The following CR1 variants were observed in gnomAD, a reference collection of about 807,000 sequenced individuals.
CR1 encodes the protein complement receptor type 1.
Under a neutral mutation model 187.3 loss-of-function variants are expected in CR1, and 116 were observed. That is an observed-to-expected ratio of 0.62 (90% CI 0.53 to 0.72). The LOEUF is 0.72. Ranked by LOEUF, CR1 falls within the 30% of genes least tolerant of loss-of-function variation. The pLI is 0.00. For missense variants in CR1, 1,731 were observed against 2,110.7 expected (o/e 0.82, Z 3.52); for synonymous variants, 576 against 747.1 (o/e 0.77, Z 3.73).
chr1:207,566,998 TCTA>T (rs1279412057), intron 24 of CR1, among the ~76,000 whole-genome samples: 1 of 150,340 alleles, frequency 6.7e-6, no homozygotes, highest in Non-Finnish European at 1.5e-5. Context: ...AAGTGTCTGT[TCTA>T]CTATCATGAA....
intron 35 of CR1, among the ~76,000 whole-genome samples, chr1:207,597,014 TGTA>T (rs1661466219): frequency 6.7e-6 from 1 of 149,080 alleles, no homozygotes; most frequent in Non-Finnish European, 1.5e-5. Context: ...ACTTCCTAGT[TGTA>T]GTGATAAAAT....
intron 5 of CR1, among the ~76,000 whole-genome samples, chr1:207,524,282 C>T (rs1327655268): frequency 6.6e-6 from 1 of 152,082 alleles, no homozygotes; most frequent in Admixed American, 6.5e-5. Context: ...ATGGTTGATA[C>T]AAAATGAGTG....
chr1:207,500,851 G>A (rs776711023), intron 1 of CR1, among the ~76,000 whole-genome samples: 6 of 152,138 alleles, frequency 3.9e-5, no homozygotes, highest in African/African-American at 7.2e-5. Context: ...TAGCCAACAC[G>A]TGGAAACAAT....
intron 45 of CR1, among the ~76,000 whole-genome samples, chr1:207,623,757 C>T (rs943881260): frequency 2.0e-5 from 3 of 152,156 alleles, no homozygotes; most frequent in Non-Finnish European, 2.9e-5. Context: ...AGACACTGAC[C>T]TCTAAGCCCA....
chr1:207,496,952 C>T (rs1275617367), intron 1 of CR1, among the ~76,000 whole-genome samples: 4 of 152,140 alleles, frequency 2.6e-5, no homozygotes, highest in Non-Finnish European at 5.9e-5. Flanking sequence ...CAACCGTTAC[C>T]TCTGTACTTT....
chr1:207,622,660 A>C (rs1662348056), intron 44 of CR1, among the ~76,000 whole-genome samples: 5 of 152,226 alleles, frequency 3.3e-5, no homozygotes, highest in African/African-American at 1.2e-4. Context: ...GTATTTTCAC[A>C]ATGAAATGCC....
At chr1:207,501,378 TACTC>T (rs1010412712) in intron 1 of CR1, among the ~76,000 whole-genome samples, 1 of 152,218 alleles carries the variant, frequency 6.6e-6, no homozygotes, top group Non-Finnish European at 1.5e-5. Flanking sequence ...ACACTTCAAA[TACTC>T]ATCAATCATT....
At chr1:207,634,596 C>G (rs1459300519) in intron 46 of CR1, among the ~76,000 whole-genome samples, 1 of 150,916 alleles carries the variant, frequency 6.6e-6, no homozygotes, top group Non-Finnish European at 1.5e-5. Flanking sequence ...GATGAGGAAT[C>G]TGGTGGCAGT....
At chr1:207,588,880 A>C in intron 35 of CR1, 106 bp downstream of exon 35, 1 of 732,708 alleles carries the variant, frequency 1.4e-6, no homozygotes, top group Non-Finnish European at 2.3e-6. Flanking sequence ...TTTACTTTAA[A>C]AGCAAGCAAT....
At chr1:207,601,817 T>A (rs1002092900) in intron 35 of CR1, among the ~76,000 whole-genome samples, 4 of 152,114 alleles carry the variant, frequency 2.6e-5, no homozygotes, top group African/African-American at 9.7e-5. Context: ...AAGTATTAAA[T>A]CCTTATCAGA....
intron 45 of CR1, among the ~76,000 whole-genome samples, chr1:207,630,175 T>G (rs769415424): frequency 6.6e-6 from 1 of 152,206 alleles, no homozygotes; most frequent in Non-Finnish European, 1.5e-5. Context: ...TCATTCATGT[T>G]GTGCAGCTTA....
chr1:207,567,596 A>T (rs1660542616), intron 24 of CR1, among the ~76,000 whole-genome samples: 1 of 150,286 alleles, frequency 6.7e-6, no homozygotes, highest in South Asian at 2.1e-4. Context: ...TAAAGTTTCT[A>T]CTGTCCAGGA....
intron 1 of CR1, among the ~76,000 whole-genome samples, chr1:207,499,086 GA>G (rs771461490): frequency 6.6e-6 from 1 of 151,988 alleles, no homozygotes; most frequent in Non-Finnish European, 1.5e-5. Flanking sequence ...AGTGGATCAA[GA>G]AACAAGACCC....
At chr1:207,611,621 T>C (rs1014670454) in intron 37 of CR1, 56 bp from the exon 38 acceptor site, 4 of 1,600,542 alleles carry the variant, frequency 2.5e-6, no homozygotes, top group South Asian at 1.1e-5. Context: ...GCATAAGATA[T>C]AACAAAGGAA....
intron 25 of CR1, among the ~76,000 whole-genome samples, chr1:207,568,265 GA>G (rs1660570735): frequency 7.1e-6 from 1 of 140,188 alleles, no homozygotes; most frequent in Non-Finnish European, 1.5e-5. Flanking sequence ...TGAGTGGTGG[GA>G]AAGTCCTTCA....
intron 24 of CR1, among the ~76,000 whole-genome samples, chr1:207,566,740 C>T (rs925083345): frequency 6.7e-6 from 1 of 150,140 alleles, no homozygotes; most frequent in African/African-American, 2.5e-5. Context: ...CAGTAGACTA[C>T]TGATTTCTCC....
At chr1:207,625,432 G>C (rs562771539) in intron 45 of CR1, among the ~76,000 whole-genome samples, 1 of 152,168 alleles carries the variant, frequency 6.6e-6, no homozygotes, top group African/African-American at 2.4e-5. Context: ...TGTAATCCAG[G>C]AAAGTTTTTA....
chr1:207,614,391 T>A lies in CR1; in HGVS notation c.6576-13T>A, dbSNP rs770888057. 3.9e-5 allele frequency: 63 copies of A among 1,605,638 alleles called. No homozygotes were observed. The African/African-American group carries it at 7.9e-4, about 20-fold the overall frequency. On this transcript the variant is annotated splice_polypyrimidine_tract_variant and intron_variant, in intron 39 of 46. Coordinates refer to ENST00000367049, the MANE Select transcript of CR1 (RefSeq NM_000651.6). ...ATTGCTCACACATTTGCTACCACTT[T>A]TTTTTTCTTTAGGTTCCGATTAAAA...
chr1:207,615,857 T>C (rs559991848), intron 40 of CR1, among the ~76,000 whole-genome samples: 1 of 152,320 alleles, frequency 6.6e-6, no homozygotes, highest in East Asian at 1.9e-4. Context: ...TCAATCATTG[T>C]TTGATGTACT....
Sources: allele counts gnomAD v4.1 joint callset (sites outside exome capture counted in the v4.1 genomes callset), GRCh38; gene constraint gnomAD v4.1.1; transcripts MANE v1.5; gene names NCBI Gene and HGNC (gene_info 2026-07-23, HGNC 2026-07-21).